Variants in COPG1 observed in about 807,000 individuals in gnomAD.
The protein encoded by COPG1 is coat protein complex I subunit gamma 1.
In COPG1, 29 loss-of-function variants were observed where a neutral mutation model predicts 102.8. That is an observed-to-expected ratio of 0.28 (90% CI 0.21 to 0.38). COPG1 has a LOEUF of 0.38. Among genes scored for constraint, COPG1 ranks in the 10% least tolerant of loss-of-function variants. The pLI, the probability that COPG1 is intolerant of heterozygous loss-of-function variation, is 1.00. For synonymous variants in COPG1, 406 were observed against 421.6 expected, an observed-to-expected ratio of 0.96 and a Z score of 0.45; for missense variants, 875 against 1,132.7, an observed-to-expected ratio of 0.77 and a Z score of 3.27.
chr3:129,257,574 C>T lies in COPG1; in HGVS notation c.684C>T (p.Ala228=), dbSNP rs2107674286. The T allele has an allele frequency of 1.2e-6, 2 of 1,614,228 alleles. No individual in the cohort carries two copies. Among genetic ancestry groups the T allele is most frequent in the Non-Finnish European group, 1.7e-6 (2 of 1,180,046 alleles). The part of the protein sequence containing the change: ...VTRHGLKSPF[A]YCMMIRVASK... Reference sequence around the variant, plus strand: ...GGCATGGCCTTAAGTCTCCCTTTGCCTACTGCATGATGATCCGGGTGGCCA... The same window carrying T: ...GGCATGGCCTTAAGTCTCCCTTTGCTTACTGCATGATGATCCGGGTGGCCA... The change falls in exon 9 of 24, where the codon GCC becomes GCT. Residue 228 remains alanine (A), a synonymous_variant. Coordinates refer to ENST00000314797, the MANE Select transcript of COPG1 (RefSeq NM_016128.4).
At chr3:129,250,142 A>T (rs1272598654) in intron 1 of COPG1, among the ~76,000 whole-genome samples, 1 of 152,064 alleles carries the variant, frequency 6.6e-6, no homozygotes, top group Non-Finnish European at 1.5e-5. Context: ...GGGAACTCTG[A>T]CCCCATCATT....
rs202061331 is a variant in COPG1 at position 129,272,565 on chromosome 3, CTCT to C, written c.2158+155_2158+157del. The C allele has an allele frequency of 3.7e-3, 2,743 of 742,388 alleles. 39 individuals are homozygous for C. In the African/African-American group the frequency reaches 0.043, roughly 12 times the overall value. 46.0% of individuals were successfully genotyped at this position (742,388 alleles called of 1,614,324 possible). A position where few individuals can be genotyped will look rare whatever the true frequency, so the allele number is the denominator to read the frequency against. On this transcript the variant is annotated intron_variant, in intron 20 of 23. Transcript: ENST00000314797. ...AAGAAGAATAGCTGAGTCCCAAGTG[CTCT>C]TCTTTAAAAATTTTTTTTTTTAAAG...
intron 23 of COPG1, among the ~76,000 whole-genome samples, 164 bp from the exon 24 acceptor site, chr3:129,277,130 G>A (rs989605927): frequency 5.9e-5 from 9 of 152,104 alleles, no homozygotes; most frequent in African/African-American, 2.2e-4. Context: ...CTGAGAGACA[G>A]TGACTTTCAC....
At chr3:129,253,079 C>T (rs1397187320) in intron 5 of COPG1, 124 bp downstream of exon 5, 2 of 747,990 alleles carry the variant, frequency 2.7e-6, no homozygotes, top group African/African-American at 3.5e-5. Context: ...TGGCAGCTTC[C>T]CTGTTACCAC....
In COPG1 at chr3:129,255,004, T is replaced by C; in HGVS notation, c.419T>C (p.Ile140Thr). The change falls in exon 7 of 24, where the codon ATT (isoleucine) becomes ACT (threonine). Residue 140 changes from isoleucine (I) to threonine (T), a missense_variant. By Grantham distance (89) the Ile-to-Thr change is moderately conservative. Transcript: ENST00000314797. ...CCACAGAGCACCATGCTGCAGGCTATTGAGCGCTACATGAAACAAGCCATT... is the reference window on the plus strand; with the variant it reads ...CCACAGAGCACCATGCTGCAGGCTACTGAGCGCTACATGAAACAAGCCATT... ...QITDSTMLQA[I>T]ERYMKQAIVD... The C allele has an allele frequency of 6.2e-7, 1 of 1,614,112 alleles. No individual in the cohort carries two copies. The highest frequency in any genetic ancestry group is 8.5e-7 in the Non-Finnish European group (1 of 1,179,956).
chr3:129,277,584 G>C lies in COPG1; in HGVS notation c.*160G>C. On this transcript the variant is annotated 3_prime_UTR_variant, in exon 24 of 24. Coordinates refer to ENST00000314797, the MANE Select transcript of COPG1 (RefSeq NM_016128.4). ...TTATTCTGCTCCCACCTCCCACCCG[G>C]GACTACTTGCTGGTGACTTTTTTTT... is the stretch of plus-strand genomic sequence containing the variant. 1 of 637,082 alleles carries C rather than the reference G, an allele frequency of 1.6e-6. No homozygotes were observed. The allele number at this position is 637,082 out of a possible 1,614,324, so 39.5% of individuals were successfully genotyped here.
chr3:129,270,444 A>G (rs1383366976), intron 18 of COPG1, among the ~76,000 whole-genome samples: 1 of 152,184 alleles, frequency 6.6e-6, no homozygotes, highest in Non-Finnish European at 1.5e-5. Flanking sequence ...TTATTGATGA[A>G]GAGTCTGAAA....
Position 129,277,441 on chromosome 3 carries a change from G to A in COPG1, c.*17G>A. Reference sequence around the variant, plus strand: ...GTGGGATAAGAGGCCAGCCTGCATAGGACCTCATACCCTTCCCCAACACTA... The same window carrying A: ...GTGGGATAAGAGGCCAGCCTGCATAAGACCTCATACCCTTCCCCAACACTA... On this transcript the variant is annotated 3_prime_UTR_variant, in exon 24 of 24. Coordinates refer to ENST00000314797, the MANE Select transcript of COPG1 (RefSeq NM_016128.4). The A allele has an allele frequency of 6.2e-7, 1 of 1,612,696 alleles. No individual in the cohort carries two copies. Among genetic ancestry groups the A allele is most frequent in the Non-Finnish European group, 8.5e-7 (1 of 1,179,294 alleles).
chr3:129,277,171 C>T, intron 23 of COPG1, 123 bp from the exon 24 acceptor site: 1 of 980,826 alleles, frequency 1.0e-6, no homozygotes. Context: ...GATTTCAGCC[C>T]AGCTCTCCTG....
chr3:129,255,639 C>T (rs575623307), intron 7 of COPG1, among the ~76,000 whole-genome samples: 1 of 151,722 alleles, frequency 6.6e-6, no homozygotes, highest in African/African-American at 2.4e-5. Context: ...TGCACCACCA[C>T]GCCCAACTGA....
intron 21 of COPG1, among the ~76,000 whole-genome samples, chr3:129,274,458 C>T: frequency 6.6e-6 from 1 of 152,122 alleles, no homozygotes; most frequent in East Asian, 1.9e-4. Context: ...TCCTGAAGAG[C>T]TCATCATCCC....
chr3:129,273,242 G>A (rs368897730), intron 21 of COPG1, among the ~76,000 whole-genome samples: 28 of 152,186 alleles, frequency 1.8e-4, no homozygotes, highest in African/African-American at 6.3e-4. Flanking sequence ...TAGGCTGGTC[G>A]CGATCTCCTC....
At chr3:129,267,124 A>G (rs762853908) in intron 15 of COPG1, 25 bp downstream of exon 15, 1 of 1,582,954 alleles carries the variant, frequency 6.3e-7, no homozygotes. Flanking sequence ...AGGGGCCCTA[A>G]TGGGGACAGT....
Position 129,250,662 on chromosome 3 carries a change from T to C in COPG1, c.38-20T>C, listed in dbSNP as rs752283936. On this transcript the variant is annotated intron_variant, in intron 1 of 23. Coordinates refer to ENST00000314797, the MANE Select transcript of COPG1 (RefSeq NM_016128.4). ...AAGTTCAGAGTCACAACCTACCTTC[T>C]CCATTGTCCTTGACCGTAGGTGGAG... is the stretch of plus-strand genomic sequence containing the variant. The C allele has an allele frequency of 8.7e-6, 14 of 1,610,546 alleles. No homozygotes were observed. The highest frequency in any genetic ancestry group is 1.1e-5 in the Non-Finnish European group (13 of 1,177,122).
At chr3:129,274,006 T>C in intron 21 of COPG1, 1 of 455,852 alleles carries the variant, frequency 2.2e-6, no homozygotes, top group Non-Finnish European at 4.4e-6. Flanking sequence ...GAACTCCTCC[T>C]GACTAGAGGG....
chr3:129,260,786 A>G lies in COPG1; in HGVS notation c.1107A>G (p.Ser369=). 1 of 1,612,446 alleles carries G rather than the reference A, an allele frequency of 6.2e-7. No individual in the cohort carries two copies. The highest frequency in any genetic ancestry group is 8.5e-7 in the Non-Finnish European group (1 of 1,179,984). The part of the protein sequence containing the change: ...RLMKQISSFM[S]EISDEFKVVV... ...TGAAGCAGATCTCCTCCTTCATGTCAGAAATCTCGGATGAATTCAAGGTAC... is the reference window on the plus strand; with the variant it reads ...TGAAGCAGATCTCCTCCTTCATGTCGGAAATCTCGGATGAATTCAAGGTAC... The change falls in exon 12 of 24, where the codon TCA becomes TCG. Residue 369 remains serine, a synonymous_variant. Transcript: ENST00000314797.
rs749778479 is a variant in COPG1 at position 129,250,678 on chromosome 3, G to A, written c.38-4G>A. On this transcript the variant is annotated splice_polypyrimidine_tract_variant and splice_region_variant and intron_variant, in intron 1 of 23. Coordinates refer to ENST00000314797, the MANE Select transcript of COPG1 (RefSeq NM_016128.4). ...CCTACCTTCTCCATTGTCCTTGACC[G>A]TAGGTGGAGGCTCCAACCCATTCCA... is the stretch of plus-strand genomic sequence containing the variant. 1.9e-5 allele frequency: 30 copies of A among 1,613,572 alleles called. No homozygotes were observed. Among genetic ancestry groups the A allele is most frequent in the Admixed American group, 3.3e-5 (2 of 59,968 alleles).
In COPG1 at chr3:129,275,019, A is replaced by G. The variant is rs113539542; in HGVS notation, c.2395+43A>G. ...CCATCTCTGGCCTAATTACTGTTCAAGATCTTTGGCTACTATTGAAGTGCT... is the reference window on the plus strand; with the variant it reads ...CCATCTCTGGCCTAATTACTGTTCAGGATCTTTGGCTACTATTGAAGTGCT... On this transcript the variant is annotated intron_variant, in intron 22 of 23. Coordinates refer to ENST00000314797, the MANE Select transcript of COPG1 (RefSeq NM_016128.4). The surrounding 1 kb of genome is among the most constrained non-coding windows in gnomAD (Gnocchi z 5.0). 3.7e-6 allele frequency: 6 copies of G among 1,607,678 alleles called. No homozygotes were observed. The highest frequency in any genetic ancestry group is 2.2e-5 in the East Asian group (1 of 44,880).
chr3:129,267,216 T>C (rs1940079106), intron 15 of COPG1, 117 bp downstream of exon 15: 1 of 699,232 alleles, frequency 1.4e-6, no homozygotes, highest in Non-Finnish European at 2.4e-6. Context: ...CAGCTACTGA[T>C]TGTAGAAAAA....
Sources: gnomAD v4.1 joint callset for allele counts (sites outside exome capture counted in the v4.1 genomes callset) on GRCh38, gnomAD v4.1.1 for gene constraint, Gnocchi (gnomAD v3.1) non-coding constraint, MANE v1.5 for transcripts, NCBI Gene and HGNC (gene_info 2026-07-23, HGNC 2026-07-21) for gene names.